Variants in FCHO1 observed in about 807,000 individuals in gnomAD.
The protein encoded by FCHO1 is F-BAR domain only protein 1.
FCHO1 carries 45 observed loss-of-function variants against 114.4 expected under a neutral mutation model. The observed-to-expected ratio is 0.39, with a 90% confidence interval of 0.31 to 0.50. The LOEUF (loss-of-function observed/expected upper bound fraction) is 0.50, where lower values mean the gene tolerates loss of function less well. FCHO1 is among the 20% of genes least tolerant of loss of function. The probability of loss-of-function intolerance (pLI) is 0.77; values close to 1 mark genes in which losing one functional copy is unlikely to be tolerated. For missense variants in FCHO1, 1,042 were observed against 1,209.6 expected, an observed-to-expected ratio of 0.86 and a Z score of 2.06; for synonymous variants, 480 against 488.9, an observed-to-expected ratio of 0.98 and a Z score of 0.24.
intron 4 of FCHO1, among the ~76,000 whole-genome samples, chr19:17,760,667 C>T (rs2085758130): frequency 6.6e-6 from 1 of 152,084 alleles, no homozygotes; most frequent in South Asian, 2.1e-4. Context: ...CTTGTATCAT[C>T]TCCATGTAAG....
Position 17,775,334 on chromosome 19 carries a change from A to G in FCHO1, c.946-122A>G. On this transcript the variant is annotated intron_variant, in intron 14 of 28. Coordinates refer to ENST00000596536, the MANE Select transcript of FCHO1 (RefSeq NM_015122.3). This position sits in a 1 kb window ranked among gnomAD's most constrained non-coding sequence, Gnocchi z 5.1. ...ACACCCAGGGAAGACAGTCGTTGCC[A>G]TCAGGGTTGGTTTTGAGGTCTGAGT... 9.8e-7 allele frequency: 1 copy of G among 1,019,274 alleles called. No homozygotes were observed. The highest frequency in any genetic ancestry group is 1.5e-6 in the Non-Finnish European group (1 of 647,478). The allele number at this position is 1,019,274 out of a possible 1,614,324, so 63.1% of individuals were successfully genotyped here. A position where few individuals can be genotyped will look rare whatever the true frequency, so the allele number is the denominator to read the frequency against.
In FCHO1 at chr19:17,774,271, G is replaced by T; in HGVS notation, c.823G>T (p.Ala275Ser). 1.2e-6 allele frequency: 2 copies of T among 1,614,136 alleles called. No individual in the cohort carries two copies. The highest frequency in any genetic ancestry group is 1.7e-6 in the Non-Finnish European group (2 of 1,180,024). The change falls in exon 12 of 29, where the codon GCC becomes TCC. Residue 275 changes from alanine (A) to serine (S), a missense_variant. Coordinates refer to ENST00000596536, the MANE Select transcript of FCHO1 (RefSeq NM_015122.3). The stretch of plus-strand genomic sequence containing the variant: ...GGACTTCGAGGCATACAGTGCGGCT[G>T]CCCTGCAGGAAGGCAAGTACGTCTG... ...PLDFEAYSAA[A>S]LQEAMKRLRG...
At chr19:17,770,618 G>A (rs1033725270) in intron 8 of FCHO1, 41 bp downstream of exon 8, 4 of 1,593,860 alleles carry the variant, frequency 2.5e-6, no homozygotes, top group Non-Finnish European at 3.4e-6. Flanking sequence ...TTTGCCGCGG[G>A]GCGGAGGGGC....
rs57861080 is a variant in FCHO1, at chr19:17,752,753, A to AT, written c.-183+1179dup. Among the ~76,000 whole-genome samples the AT allele has an allele frequency of 4.0e-5, 6 of 150,816 alleles. No homozygotes were observed. The South Asian group carries it at 8.4e-4, about 21-fold the overall frequency. On this transcript the variant is annotated intron_variant, in intron 1 of 28. Transcript: ENST00000596536. ...AGTCTCTACAAAAAAAAAAAAAAAA[A>AT]TTTATTTTTAATTAGTTAGACATGT...
At chr19:17,755,016 C>A in intron 3 of FCHO1, 102 bp from the exon 4 acceptor site, 1 of 787,564 alleles carries the variant, frequency 1.3e-6, no homozygotes, top group Non-Finnish European at 2.3e-6. Flanking sequence ...GCTTTCAGTT[C>A]CTCCTTCATC....
At chr19:17,761,996 CATTT>C (rs1375104499) in intron 4 of FCHO1, among the ~76,000 whole-genome samples, 1 of 151,282 alleles carries the variant, frequency 6.6e-6, no homozygotes, top group Non-Finnish European at 1.5e-5. Context: ...TTCATTCATT[CATTT>C]ATTTTGAGAC....
rs2093657579 is a variant in FCHO1 at position 17,784,029 on chromosome 19, G to C, written c.2094-74G>C. 32 of 1,541,770 alleles carry C rather than the reference G, an allele frequency of 2.1e-5. 1 individual carries two copies. In the South Asian group the frequency reaches 3.8e-4, roughly 18 times the overall value. ...GGCCAGGAAATTGCATCTTTAGGAAGGGGTAGATTGAATGCTGGGAGCCCT... is the reference window on the plus strand; with the variant it reads ...GGCCAGGAAATTGCATCTTTAGGAACGGGTAGATTGAATGCTGGGAGCCCT... On this transcript the variant is annotated intron_variant, in intron 24 of 28. Coordinates refer to ENST00000596536, the MANE Select transcript of FCHO1 (RefSeq NM_015122.3). The surrounding 1 kb of genome is among the most constrained non-coding windows in gnomAD (Gnocchi z 5.3).
chr19:17,787,355 G>A (rs2093998984), intron 27 of FCHO1, among the ~76,000 whole-genome samples: 1 of 149,444 alleles, frequency 6.7e-6, no homozygotes, highest in East Asian at 2.0e-4. Flanking sequence ...AGGCTGCAGT[G>A]ACCTATGATT....
intron 8 of FCHO1, 22 bp from the exon 9 acceptor site, chr19:17,770,770 G>T: frequency 6.2e-7 from 1 of 1,613,204 alleles, no homozygotes; most frequent in Non-Finnish European, 8.5e-7. Flanking sequence ...TCCCATCCCC[G>T]TTTCCTCCCT....
Position 17,774,225 on chromosome 19 carries a change from G to C in FCHO1, c.791-14G>C. 3.1e-6 allele frequency: 5 copies of C among 1,613,732 alleles called. No homozygotes were observed. Among genetic ancestry groups the C allele is most frequent in the Non-Finnish European group, 4.2e-6 (5 of 1,179,860 alleles). ...TGCCCAGCCCCTCAATTGAGTTTCCGTCTCCTGTCTCAGGACCTCTGGACT... is the reference window on the plus strand; with the variant it reads ...TGCCCAGCCCCTCAATTGAGTTTCCCTCTCCTGTCTCAGGACCTCTGGACT... On this transcript the variant is annotated splice_polypyrimidine_tract_variant and intron_variant, in intron 11 of 28. Transcript: ENST00000596536.
At chr19:17,770,690 C>T in intron 8 of FCHO1, 102 bp from the exon 9 acceptor site, 2 of 1,579,138 alleles carry the variant, frequency 1.3e-6, no homozygotes, top group African/African-American at 1.3e-5. Context: ...TGGGTGATCA[C>T]ACCCTGGGTA....
At position 17,778,632 on chromosome 19, in the gene FCHO1, T is replaced by A. The variant is rs1395447457; in HGVS notation, c.1375T>A (p.Ser459Thr). Residue 459 changes from serine to threonine, a missense_variant, in exon 20 of 29, where the codon TCC becomes ACC. Coordinates refer to ENST00000596536, the MANE Select transcript of FCHO1 (RefSeq NM_015122.3). ...FTGSSSLGFT[S>T]SPSPFSSSSP... Reference sequence around the variant, plus strand: ...AGGCTCTAGCAGCCTGGGCTTCACCTCCAGCCCCTCCCCTTTCTCCTCCTC... The same window carrying A: ...AGGCTCTAGCAGCCTGGGCTTCACCACCAGCCCCTCCCCTTTCTCCTCCTC... 4 of 1,574,822 alleles carry A rather than the reference T, an allele frequency of 2.5e-6. No individual in the cohort carries two copies. Among genetic ancestry groups the A allele is most frequent in the Non-Finnish European group, 3.4e-6 (4 of 1,163,230 alleles).
At chr19:17,770,038 A>T (rs1360092296) in intron 7 of FCHO1, among the ~76,000 whole-genome samples, 1 of 151,948 alleles carries the variant, frequency 6.6e-6, no homozygotes, top group Non-Finnish European at 1.5e-5. Context: ...GGTGGCTCAC[A>T]CCTGTAATGC....
chr19:17,773,713 GC>G (rs1284225478), intron 11 of FCHO1, among the ~76,000 whole-genome samples: 1 of 152,128 alleles, frequency 6.6e-6, no homozygotes, highest in Non-Finnish European at 1.5e-5. Context: ...CCCTGCGGTG[GC>G]ACTGCCCTGC....
intron 9 of FCHO1, 145 bp from the exon 10 acceptor site, chr19:17,772,312 T>A (rs750962493): frequency 4.6e-6 from 3 of 657,948 alleles, no homozygotes; most frequent in Non-Finnish European, 8.3e-6. Flanking sequence ...TCAATGAAAG[T>A]CCTAGGGCAG....
upstream of FCHO1, among the ~76,000 whole-genome samples, chr19:17,750,819 TTTC>T (rs1022851238): frequency 6.7e-6 from 1 of 149,634 alleles, no homozygotes; most frequent in Non-Finnish European, 1.5e-5. Context: ...TGTCTTCCCC[TTTC>T]TTTTCTTTTT....
In FCHO1 at chr19:17,751,909, G is replaced by A. The variant is rs1040673331; in HGVS notation, c.-183+332G>A. Among the ~76,000 whole-genome samples, 8 of 152,320 alleles carry A rather than the reference G, an allele frequency of 5.3e-5. No homozygotes were observed. Among genetic ancestry groups the A allele is most frequent in the African/African-American group, 1.7e-4 (7 of 41,580 alleles). On this transcript the variant is annotated intron_variant, in intron 1 of 28. Coordinates refer to ENST00000596536, the MANE Select transcript of FCHO1 (RefSeq NM_015122.3). This position sits in a 1 kb window ranked among gnomAD's most constrained non-coding sequence, Gnocchi z 4.4. ...CCAATGATTGATCTCTCTGTGCCTCGGTTTCCTTCATAAAGTTGGGGTTGC... is the reference window on the plus strand; with the variant it reads ...CCAATGATTGATCTCTCTGTGCCTCAGTTTCCTTCATAAAGTTGGGGTTGC...
chr19:17,788,504 C>A lies in FCHO1; in HGVS notation c.*198C>A. Reference sequence around the variant, plus strand: ...ATGCCAACCCCACACAGGTCCCGGCCTTTTAATGTTCTTTGAATAAACACT... The same window carrying A: ...ATGCCAACCCCACACAGGTCCCGGCATTTTAATGTTCTTTGAATAAACACT... On this transcript the variant is annotated 3_prime_UTR_variant, in exon 29 of 29. Transcript: ENST00000596536. 1 of 549,814 alleles carries A rather than the reference C, an allele frequency of 1.8e-6. No individual in the cohort carries two copies. Among genetic ancestry groups the A allele is most frequent in the Non-Finnish European group, 3.3e-6 (1 of 306,172 alleles). 34.1% of individuals were successfully genotyped at this position (549,814 alleles called of 1,614,324 possible). A position where few individuals can be genotyped will look rare whatever the true frequency, so the allele number is the denominator to read the frequency against.
upstream of FCHO1, among the ~76,000 whole-genome samples, chr19:17,749,977 G>C (rs1336371398): frequency 6.6e-6 from 1 of 152,170 alleles, no homozygotes; most frequent in Non-Finnish European, 1.5e-5. Context: ...AGTGGCCCAA[G>C]GTCATCAGGC....
Sources: allele counts gnomAD v4.1 joint callset (sites outside exome capture counted in the v4.1 genomes callset), GRCh38; gene constraint gnomAD v4.1.1; non-coding constraint Gnocchi (gnomAD v3.1); transcripts MANE v1.5; gene names NCBI Gene and HGNC (gene_info 2026-07-23, HGNC 2026-07-21).